The following LRRTM4 variants were observed in gnomAD, a reference collection of about 807,000 sequenced individuals.
LRRTM4 encodes leucine rich repeat transmembrane neuronal 4.
In LRRTM4, 25 loss-of-function variants were observed where a neutral mutation model predicts 47.6. The observed-to-expected ratio is 0.53, with a 90% confidence interval of 0.38 to 0.73. The LOEUF is 0.73. Among genes scored for constraint, LRRTM4 ranks in the 30% least tolerant of loss-of-function variants. The pLI, the probability that LRRTM4 is intolerant of heterozygous loss-of-function variation, is 0.00. For synonymous variants in LRRTM4, 311 were observed against 269.5 expected (o/e 1.15, Z -1.51); for missense variants, 638 against 713.4 (o/e 0.89, Z 1.20).
intron 3 of LRRTM4, among the ~76,000 whole-genome samples, chr2:77,011,236 A>G (rs560114387): frequency 2.0e-5 from 3 of 152,298 alleles, no homozygotes; most frequent in African/African-American, 7.2e-5. Context: ...CACATATAAT[A>G]CTATCAATGA....
At chr2:77,272,369 T>G (rs1265549814) in intron 3 of LRRTM4, among the ~76,000 whole-genome samples, 1 of 152,084 alleles carries the variant, frequency 6.6e-6, no homozygotes, top group Non-Finnish European at 1.5e-5. Flanking sequence ...ATGAACATAG[T>G]AATAGCCATT....
At chr2:77,070,661 G>T (rs1425774542) in intron 3 of LRRTM4, among the ~76,000 whole-genome samples, 4 of 151,758 alleles carry the variant, frequency 2.6e-5, no homozygotes, top group African/African-American at 9.7e-5. Context: ...ACAGAGTTTT[G>T]CTCTTGTTGC....
intron 3 of LRRTM4, among the ~76,000 whole-genome samples, chr2:77,443,553 T>G (rs1675929287): frequency 1.3e-5 from 2 of 152,200 alleles, no homozygotes; most frequent in African/African-American, 4.8e-5. Context: ...ATTGCTTTTA[T>G]CAATGCCTGA....
intron 3 of LRRTM4, among the ~76,000 whole-genome samples, chr2:77,453,480 T>C (rs1676345396): frequency 6.6e-6 from 1 of 152,070 alleles, no homozygotes; most frequent in African/African-American, 2.4e-5. Context: ...GTGCCCAGAC[T>C]CTTCTTGAAT....
chr2:77,182,021 C>T (rs1673360972), intron 3 of LRRTM4, among the ~76,000 whole-genome samples: 1 of 152,140 alleles, frequency 6.6e-6, no homozygotes, highest in Non-Finnish European at 1.5e-5. Flanking sequence ...GGCAATTCCT[C>T]AAGGAACTAG....
intron 3 of LRRTM4, among the ~76,000 whole-genome samples, chr2:77,476,812 A>C (rs1347609476): frequency 6.6e-6 from 1 of 152,178 alleles, no homozygotes; most frequent in Non-Finnish European, 1.5e-5. Context: ...ACTGGAAAAA[A>C]ATAAGTAAAT....
At chr2:77,033,576 C>T (rs1168426707) in intron 3 of LRRTM4, among the ~76,000 whole-genome samples, 3 of 151,776 alleles carry the variant, frequency 2.0e-5, no homozygotes, top group Non-Finnish European at 4.4e-5. Flanking sequence ...TTTAAAAATT[C>T]TCCCACCACA....
intron 3 of LRRTM4, among the ~76,000 whole-genome samples, chr2:77,383,987 A>G (rs1276486356): frequency 6.6e-6 from 1 of 152,140 alleles, no homozygotes; most frequent in African/African-American, 2.4e-5. Context: ...CTGGATATAA[A>G]TGCATGACAG....
chr2:76,778,849 T>C (rs1315681341), intron 3 of LRRTM4, among the ~76,000 whole-genome samples: 1 of 151,636 alleles, frequency 6.6e-6, no homozygotes, highest in East Asian at 1.9e-4. Context: ...TTAATTGTGA[T>C]GTTAGGGTGT....
At chr2:77,385,684 TTTCTC>T (rs1427094711) in intron 3 of LRRTM4, among the ~76,000 whole-genome samples, 4 of 151,402 alleles carry the variant, frequency 2.6e-5, no homozygotes, top group East Asian at 1.9e-4. Flanking sequence ...TATTTTTTGT[TTTCTC>T]TTCTTTTTCT....
At chr2:77,467,590 T>C (rs1045676359) in intron 3 of LRRTM4, among the ~76,000 whole-genome samples, 1 of 152,206 alleles carries the variant, frequency 6.6e-6, no homozygotes, top group Non-Finnish European at 1.5e-5. Flanking sequence ...GGGAGTAATC[T>C]TTTAAGCATA....
At chr2:77,366,494 G>C (rs78694443) in intron 3 of LRRTM4, among the ~76,000 whole-genome samples, 9 of 151,708 alleles carry the variant, frequency 5.9e-5, no homozygotes, top group Non-Finnish European at 1.2e-4. Context: ...GCTTGTCTCT[G>C]TAAGCAAATG....
At chr2:76,854,385 T>C (rs1672086595) in intron 3 of LRRTM4, among the ~76,000 whole-genome samples, 1 of 151,992 alleles carries the variant, frequency 6.6e-6, no homozygotes, top group Admixed American at 6.6e-5. Flanking sequence ...TTAAATAGAG[T>C]CATGATACCC....
intron 3 of LRRTM4, among the ~76,000 whole-genome samples, chr2:77,089,866 TCTGAGGTGC>T (rs1230148549): frequency 6.6e-6 from 1 of 152,148 alleles, no homozygotes; most frequent in East Asian, 1.9e-4. Context: ...AGGCAAACGG[TCTGAGGTGC>T]CTGATGTCCA....
chr2:77,061,926 A>C (rs903330733), intron 3 of LRRTM4, among the ~76,000 whole-genome samples: 1 of 152,196 alleles, frequency 6.6e-6, no homozygotes, highest in Non-Finnish European at 1.5e-5. Flanking sequence ...ATAGCTGTTA[A>C]TGAGCCAATT....
intron 3 of LRRTM4, among the ~76,000 whole-genome samples, chr2:77,044,776 A>C (rs997382623): frequency 2.0e-5 from 3 of 151,718 alleles, no homozygotes; most frequent in Non-Finnish European, 4.4e-5. Flanking sequence ...CTACACATAC[A>C]TATGTATAGA....
chr2:77,255,195 C>T (rs1024686233), intron 3 of LRRTM4, among the ~76,000 whole-genome samples: 4 of 151,960 alleles, frequency 2.6e-5, no homozygotes, highest in Admixed American at 6.6e-5. Context: ...CATTACATAG[C>T]GATAAAAGGG....
intron 3 of LRRTM4, among the ~76,000 whole-genome samples, chr2:77,424,108 T>C (rs555980034): frequency 1.4e-5 from 1 of 71,190 alleles, no homozygotes; most frequent in African/African-American, 4.3e-5. Context: ...GTGGCAGATG[T>C]TACTGTACTT....
At chr2:76,953,459 G>A (rs1675563744) in intron 3 of LRRTM4, among the ~76,000 whole-genome samples, 1 of 151,778 alleles carries the variant, frequency 6.6e-6, no homozygotes, top group Admixed American at 6.6e-5. Context: ...GCTCACAATT[G>A]GTAGGAAAAC....
Sources: gnomAD v4.1 joint callset for allele counts (sites outside exome capture counted in the v4.1 genomes callset) on GRCh38, gnomAD v4.1.1 for gene constraint, MANE v1.5 for transcripts, NCBI Gene and HGNC (gene_info 2026-07-23, HGNC 2026-07-21) for gene names.